The following EYS variants were observed in gnomAD, a reference collection of about 807,000 sequenced individuals.
The protein encoded by EYS is protein eyes shut homolog.
In EYS, 250 loss-of-function variants were observed where a neutral mutation model predicts 282.1. The observed-to-expected ratio is 0.89, with a 90% CI of 0.80 to 0.98. EYS has a LOEUF of 0.98. Ranked by LOEUF, EYS falls within the 50% of genes least tolerant of loss-of-function variation. The pLI, the probability that EYS is intolerant of heterozygous loss-of-function variation, is 0.00. For missense variants in EYS, 4,016 were observed against 3,709.0 expected (o/e 1.08, Z -2.15); for synonymous variants, 1,355 against 1,282.9 (o/e 1.06, Z -1.20).
intron 16 of EYS, among the ~76,000 whole-genome samples, chr6:64,904,116 A>G (rs995130312): frequency 6.6e-6 from 1 of 152,220 alleles, no homozygotes; most frequent in African/African-American, 2.4e-5. Context: ...TATTTAAAAC[A>G]TAACAACAAT....
intron 36 of EYS, among the ~76,000 whole-genome samples, chr6:63,858,728 G>A (rs868108873): frequency 1.1e-4 from 17 of 152,154 alleles, no homozygotes; most frequent in African/African-American, 3.9e-4. Flanking sequence ...TGGGAAATGA[G>A]GGATACTAAG....
At chr6:64,242,433 C>T (rs1158212905) in intron 30 of EYS, among the ~76,000 whole-genome samples, 1 of 139,732 alleles carries the variant, frequency 7.2e-6, no homozygotes, top group Non-Finnish European at 1.6e-5. Flanking sequence ...ACCTCAAATT[C>T]TAAGTTTTTT....
chr6:64,401,815 A>G (rs543755530), intron 28 of EYS, among the ~76,000 whole-genome samples: 14 of 152,214 alleles, frequency 9.2e-5, no homozygotes, highest in African/African-American at 1.9e-4. Flanking sequence ...AGATTCCACT[A>G]TATCTTGTCA....
At chr6:64,305,350 G>A (rs9359867) in intron 30 of EYS, among the ~76,000 whole-genome samples, 103,737 of 151,006 alleles carry the variant, frequency 0.69, 35,574 homozygotes, top group South Asian at 0.71. Context: ...CAAAATCCCA[G>A]TGATTTTTTT....
At chr6:65,334,847 T>C in intron 11 of EYS, 133 bp downstream of exon 11, 1 of 728,334 alleles carries the variant, frequency 1.4e-6, no homozygotes, top group Admixed American at 2.2e-5. Context: ...TATGTATATG[T>C]AAGTGTTTGT....
chr6:65,188,616 G>A (rs946090682), intron 12 of EYS, among the ~76,000 whole-genome samples: 2 of 151,544 alleles, frequency 1.3e-5, no homozygotes, highest in Non-Finnish European at 3.0e-5. Flanking sequence ...TGGAATTAAT[G>A]TTCTAATCAG....
At chr6:65,636,144 T>A (rs1767079666) in intron 2 of EYS, among the ~76,000 whole-genome samples, 1 of 152,200 alleles carries the variant, frequency 6.6e-6, no homozygotes, top group East Asian at 1.9e-4. Flanking sequence ...TCTCTATACC[T>A]CAGTCAGAAT....
chr6:64,099,305 A>G (rs999660204), intron 31 of EYS, among the ~76,000 whole-genome samples: 1 of 152,244 alleles, frequency 6.6e-6, no homozygotes. Context: ...GGTTGCAATA[A>G]TAGCCCCTGT....
chr6:65,686,920 C>CT (rs906426639), intron 1 of EYS, among the ~76,000 whole-genome samples: 16 of 149,288 alleles, frequency 1.1e-4, no homozygotes, highest in South Asian at 2.1e-4. Flanking sequence ...TGAAAGGGAG[C>CT]TTTTTTTTTA....
intron 35 of EYS, among the ~76,000 whole-genome samples, chr6:63,926,075 A>G (rs546256353): frequency 3.3e-5 from 5 of 151,818 alleles, no homozygotes; most frequent in Non-Finnish European, 7.4e-5. Context: ...CTTATGAGTG[A>G]GAACATGGCA....
chr6:64,946,946 G>A (rs1364687304), intron 14 of EYS, among the ~76,000 whole-genome samples: 1 of 151,832 alleles, frequency 6.6e-6, no homozygotes, highest in Non-Finnish European at 1.5e-5. Context: ...CACAAACAGA[G>A]ATCTCTTTTA....
At chr6:65,064,434 C>A (rs1333368129) in intron 12 of EYS, among the ~76,000 whole-genome samples, 1 of 143,534 alleles carries the variant, frequency 7.0e-6, no homozygotes, top group Non-Finnish European at 1.5e-5. Context: ...TACCATATAT[C>A]ATATATACTA....
chr6:65,173,401 A>ACCC (rs1448172572), intron 12 of EYS, among the ~76,000 whole-genome samples: 2 of 150,682 alleles, frequency 1.3e-5, no homozygotes, highest in African/African-American at 4.9e-5. Context: ...AGAATAAAAT[A>ACCC]TAAATCAAAA....
chr6:65,683,310 C>T (rs1190885855), intron 1 of EYS, among the ~76,000 whole-genome samples: 1 of 151,928 alleles, frequency 6.6e-6, no homozygotes, highest in African/African-American at 2.4e-5. Context: ...GATAAAGGTG[C>T]CATTTTGAAG....
intron 35 of EYS, among the ~76,000 whole-genome samples, chr6:63,917,455 T>C (rs1764455036): frequency 6.6e-6 from 1 of 152,230 alleles, no homozygotes; most frequent in Non-Finnish European, 1.5e-5. Context: ...TTTCCTCTGT[T>C]CATGCTAAAA....
intron 2 of EYS, among the ~76,000 whole-genome samples, chr6:65,511,225 T>C (rs1766856622): frequency 6.6e-6 from 1 of 152,144 alleles, no homozygotes; most frequent in Non-Finnish European, 1.5e-5. Flanking sequence ...CCACTAATGG[T>C]ATATGCTTTT....
At chr6:65,012,723 C>T (rs537502211) in intron 13 of EYS, among the ~76,000 whole-genome samples, 22 of 145,980 alleles carry the variant, frequency 1.5e-4, no homozygotes, top group Non-Finnish European at 2.5e-4. Context: ...GTAAAGGCAG[C>T]AAATTGATAT....
At chr6:65,443,624 A>G (rs35771749) in intron 5 of EYS, among the ~76,000 whole-genome samples, 7,075 of 149,062 alleles carry the variant, frequency 0.047, 455 homozygotes, top group African/African-American at 0.14. Context: ...CACACATATA[A>G]ACATGTGTAG....
Position 65,514,725 on chromosome 6 carries a change from C to T in EYS, c.-332-18732G>A, listed in dbSNP as rs1259104512. ...TATTTAATAAATGGTGCTGGGAAAA[C>T]TGGCTAGCCATATGTACAAAGCTGA... On this transcript the variant is annotated intron_variant, in intron 2 of 42. Transcript: ENST00000503581. Among the ~76,000 whole-genome samples, 14 of 152,164 alleles carry T rather than the reference C, an allele frequency of 9.2e-5. No individual in the cohort carries two copies. The South Asian group carries it at 2.9e-3, about 31-fold the overall frequency.
Sources: allele counts gnomAD v4.1 joint callset (sites outside exome capture counted in the v4.1 genomes callset), GRCh38; gene constraint gnomAD v4.1.1; transcripts MANE v1.5; gene names NCBI Gene and HGNC (gene_info 2026-07-23, HGNC 2026-07-21).